Variants in RAB11FIP3 observed in about 807,000 individuals in gnomAD.
The protein encoded by RAB11FIP3 is RAB11 family interacting protein 3, also known as rab11 family-interacting protein 3.
RAB11FIP3 carries 17 observed loss-of-function variants against 77.8 expected under a neutral mutation model. That is an observed-to-expected ratio of 0.22 (90% CI 0.15 to 0.33). RAB11FIP3 has a LOEUF of 0.33. RAB11FIP3 is among the 10% of genes least tolerant of loss of function. The pLI, the probability that RAB11FIP3 is intolerant of heterozygous loss-of-function variation, is 1.00. For synonymous variants in RAB11FIP3, 437 were observed against 448.2 expected (o/e 0.98, Z 0.31); for missense variants, 1,005 against 1,011.2 (o/e 0.99, Z 0.08).
rs1268382897 is a variant in RAB11FIP3, at chr16:425,702, T to TCGGCCCC, written c.-302_-296dup. 3.6e-6 allele frequency: 1 copy of TCGGCCCC among 280,974 alleles called. No homozygotes were observed. The highest frequency in any genetic ancestry group is 6.7e-6 in the Non-Finnish European group (1 of 150,210). 17.4% of individuals were successfully genotyped at this position (280,974 alleles called of 1,614,324 possible). A position where few individuals can be genotyped will look rare whatever the true frequency, so the allele number is the denominator to read the frequency against. ...ACAGGCTCCGCGGCCTCCGGCCTCC[T>TCGGCCCC]CGGCCCCCGTCCCCCGGCCTCCTCG... On this transcript the variant is annotated 5_prime_UTR_variant, in exon 1 of 14. Transcript: ENST00000262305.
chr16:488,138 T>C (rs926786555), intron 4 of RAB11FIP3, among the ~76,000 whole-genome samples: 4 of 152,194 alleles, frequency 2.6e-5, no homozygotes, highest in African/African-American at 4.8e-5. Context: ...CCCAACACTT[T>C]GGGAGGCCGA....
At chr16:516,032 C>T (rs527322432) in intron 9 of RAB11FIP3, among the ~76,000 whole-genome samples, 7 of 152,296 alleles carry the variant, frequency 4.6e-5, no homozygotes, top group Middle Eastern at 3.4e-3. Context: ...GTCCTGGGAG[C>T]GTGCCTGTCC....
chr16:476,080 T>C (rs1168199063), intron 3 of RAB11FIP3, among the ~76,000 whole-genome samples: 1 of 152,174 alleles, frequency 6.6e-6, no homozygotes, highest in East Asian at 1.9e-4. Flanking sequence ...GGTCTCGAAC[T>C]CCTGGCCTCA....
chr16:468,728 GTC>G (rs1338886353), intron 2 of RAB11FIP3, among the ~76,000 whole-genome samples: 4 of 152,160 alleles, frequency 2.6e-5, no homozygotes, highest in Non-Finnish European at 5.9e-5. Flanking sequence ...CCATTGCTGT[GTC>G]TCACACACCC....
At chr16:475,153 G>A (rs573838629) in intron 3 of RAB11FIP3, 2 of 1,507,898 alleles carry the variant, frequency 1.3e-6, no homozygotes, top group East Asian at 5.0e-5. Flanking sequence ...CTGTGGTGGA[G>A]AGAGGCTCAG....
Position 445,440 on chromosome 16 carries a change from A to G in RAB11FIP3, c.715-15964A>G, listed in dbSNP as rs907761458. On this transcript the variant is annotated intron_variant, in intron 1 of 13. Coordinates refer to ENST00000262305, the MANE Select transcript of RAB11FIP3 (RefSeq NM_014700.4). ...GGTGACAGAGCAAGACTCTTGTCTC[A>G]AAATAAAAATAAAAATAAAAAAAGA... Among the ~76,000 whole-genome samples, 28 of 150,198 alleles carry G rather than the reference A, an allele frequency of 1.9e-4. 3 individuals are homozygous for G. Among genetic ancestry groups the G allele is most frequent in the African/African-American group, 7.1e-4 (28 of 39,626 alleles).
chr16:444,003 T>C (rs999203071), intron 1 of RAB11FIP3, among the ~76,000 whole-genome samples: 4 of 152,240 alleles, frequency 2.6e-5, no homozygotes, highest in Admixed American at 2.0e-4. Context: ...GTATTTGAGC[T>C]GATGTTCCTC....
intron 3 of RAB11FIP3, among the ~76,000 whole-genome samples, chr16:480,624 C>T (rs1306877562): frequency 1.3e-5 from 2 of 151,782 alleles, no homozygotes; most frequent in Non-Finnish European, 2.9e-5. Context: ...CTCAGTCTCC[C>T]GAGTAGCTGG....
chr16:509,731 G>C (rs559249660), intron 8 of RAB11FIP3, among the ~76,000 whole-genome samples: 2 of 152,318 alleles, frequency 1.3e-5, no homozygotes, highest in African/African-American at 4.8e-5. Context: ...CAGCCTGGAG[G>C]GGACTGGGAG....
At chr16:466,327 C>T (rs898299250) in intron 2 of RAB11FIP3, among the ~76,000 whole-genome samples, 28 of 152,164 alleles carry the variant, frequency 1.8e-4, no homozygotes, top group African/African-American at 5.6e-4. Flanking sequence ...GCAGTGGCCC[C>T]GGGTACCATG....
At chr16:468,116 C>G (rs533103474) in intron 2 of RAB11FIP3, among the ~76,000 whole-genome samples, 172 of 2,634 alleles carry the variant, frequency 0.065, 1 homozygote, top group Admixed American at 0.073. Context: ...GTGCTGGGGC[C>G]TCAGGGAGGA....
rs1045920753 is a variant in RAB11FIP3 at position 471,514 on chromosome 16, C to T, written c.903+125C>T. On this transcript the variant is annotated intron_variant, in intron 3 of 13. Transcript: ENST00000262305. This position sits in a 1 kb window ranked among gnomAD's most constrained non-coding sequence, Gnocchi z 4.4. ...GAAGCTGGCGTGAAGGAAGGGCCTC[C>T]CGCCCTGTGTGCACCGTGGGGCTCT... 3.7e-6 allele frequency: 3 copies of T among 809,480 alleles called. No individual in the cohort carries two copies. Among genetic ancestry groups the T allele is most frequent in the African/African-American group, 3.4e-5 (2 of 59,028 alleles). 50.1% of individuals were successfully genotyped at this position (809,480 alleles called of 1,614,324 possible). A position where few individuals can be genotyped will look rare whatever the true frequency, so the allele number is the denominator to read the frequency against.
Position 500,685 on chromosome 16 carries a change from C to T in RAB11FIP3, c.1302-2319C>T, listed in dbSNP as rs558021497. On this transcript the variant is annotated intron_variant, in intron 6 of 13. Transcript: ENST00000262305. ...CCCAGGTGACAGTGCAAGACTCTGT[C>T]GCAAAAAAAAAAAAAAAAAAAAAAA... Among the ~76,000 whole-genome samples, 25 of 50,370 alleles carry T rather than the reference C, an allele frequency of 5.0e-4. No individual in the cohort carries two copies. The East Asian group carries it at 0.017, about 33-fold the overall frequency. 33.0% of individuals were successfully genotyped at this position (50,370 alleles called of 152,430 possible).
intron 2 of RAB11FIP3, among the ~76,000 whole-genome samples, chr16:464,685 C>T (rs1030471371): frequency 6.6e-6 from 1 of 152,110 alleles, no homozygotes; most frequent in African/African-American, 2.4e-5. Context: ...CAGTTGATCC[C>T]AGGAGGGTGA....
rs138093361 is a variant in RAB11FIP3 at position 464,060 on chromosome 16, G to A, written c.808+2563G>A. ...TGAGGTGGGGCGAGGGGCCCAGGACGAGGATGGAGAGATACTGCAGGCTCT... is the reference window on the plus strand; with the variant it reads ...TGAGGTGGGGCGAGGGGCCCAGGACAAGGATGGAGAGATACTGCAGGCTCT... On this transcript the variant is annotated intron_variant, in intron 2 of 13. Transcript: ENST00000262305. Among the ~76,000 whole-genome samples, 655 of 152,342 alleles carry A rather than the reference G, an allele frequency of 4.3e-3. 3 individuals are homozygous for A. The highest frequency in any genetic ancestry group is 6.8e-3 in the Middle Eastern group (2 of 294).
chr16:469,033 C>T (rs2141676557), intron 2 of RAB11FIP3, among the ~76,000 whole-genome samples: 2 of 152,126 alleles, frequency 1.3e-5, no homozygotes, highest in South Asian at 2.1e-4. Context: ...AGACTGTTAG[C>T]ATTTTAAAAT....
intron 6 of RAB11FIP3, 132 bp downstream of exon 6, chr16:496,991 G>T (rs1236637543): frequency 1.7e-5 from 17 of 982,672 alleles, no homozygotes; most frequent in Non-Finnish European, 2.5e-5. Context: ...TACATGGTTT[G>T]GGGCTGAAGG....
intron 3 of RAB11FIP3, among the ~76,000 whole-genome samples, chr16:478,216 T>C (rs1297603930): frequency 1.3e-5 from 2 of 150,168 alleles, no homozygotes; most frequent in East Asian, 3.9e-4. Flanking sequence ...TTTTTTGAGA[T>C]GGAGTCTTGC....
chr16:489,354 T>C (rs1315261774), intron 5 of RAB11FIP3, among the ~76,000 whole-genome samples: 1 of 152,188 alleles, frequency 6.6e-6, no homozygotes, highest in Non-Finnish European at 1.5e-5. Flanking sequence ...CATAAGTGAG[T>C]CTTCAGATTC....
Sources: allele counts gnomAD v4.1 joint callset (sites outside exome capture counted in the v4.1 genomes callset), GRCh38; gene constraint gnomAD v4.1.1; non-coding constraint Gnocchi (gnomAD v3.1); transcripts MANE v1.5; gene names NCBI Gene and HGNC (gene_info 2026-07-23, HGNC 2026-07-21).